The following RPH3AL variants were observed in gnomAD, a reference collection of about 807,000 sequenced individuals.
RPH3AL encodes the protein rabphilin 3A like (without C2 domains).
In RPH3AL, 38 loss-of-function variants were observed where a neutral mutation model predicts 43.1. That is an observed-to-expected ratio of 0.88 (90% CI 0.68 to 1.15). The LOEUF (loss-of-function observed/expected upper bound fraction) is 1.15. Ranked by LOEUF, RPH3AL falls within the 50% of genes most tolerant of loss-of-function variation. The probability of loss-of-function intolerance (pLI) is 0.00; values close to 1 mark genes in which losing one functional copy is unlikely to be tolerated. For synonymous variants in RPH3AL, 189 were observed against 176.3 expected, an observed-to-expected ratio of 1.07 and a Z score of -0.57; for missense variants, 462 against 423.2, an observed-to-expected ratio of 1.09 and a Z score of -0.81.
chr17:302,902 A>C (rs932126390), intron 5 of RPH3AL, among the ~76,000 whole-genome samples: 3 of 152,222 alleles, frequency 2.0e-5, no homozygotes, highest in Non-Finnish European at 4.4e-5. Flanking sequence ...AGGTGGGAGA[A>C]GGACAAACAC....
At chr17:342,141 A>G (rs941800655) in intron 1 of RPH3AL, among the ~76,000 whole-genome samples, 4 of 152,214 alleles carry the variant, frequency 2.6e-5, no homozygotes, top group African/African-American at 7.2e-5. Context: ...AGGAAAATAC[A>G]AATCAAAACC....
chr17:313,484 G>A (rs941806443), intron 5 of RPH3AL, among the ~76,000 whole-genome samples: 2 of 152,206 alleles, frequency 1.3e-5, no homozygotes, highest in African/African-American at 4.8e-5. Context: ...TGTTCCAGGG[G>A]AAACTTGCCG....
At chr17:331,436 C>A in intron 2 of RPH3AL, 2 of 557,010 alleles carry the variant, frequency 3.6e-6, no homozygotes, top group Non-Finnish European at 5.4e-6. Context: ...AAAGGTCGGA[C>A]ATGAGGACCC....
In RPH3AL at chr17:321,001, A is replaced by C. The variant is rs538837312; in HGVS notation, c.221+271T>G. ...AGCCGAACAGCTCCTGGGAGGCTTC[A>C]CCAGGCTCATTCACGCCCTCAGCAT... is the stretch of plus-strand genomic sequence containing the variant. On this transcript the variant is annotated intron_variant, in intron 4 of 9. Transcript: ENST00000331302. Among the ~76,000 whole-genome samples the C allele has an allele frequency of 3.9e-4, 60 of 152,282 alleles. 1 individual carries two copies. Among genetic ancestry groups the C allele is most frequent in the African/African-American group, 1.4e-3 (58 of 41,564 alleles).
At chr17:250,901 G>T (rs188322720) in intron 6 of RPH3AL, among the ~76,000 whole-genome samples, 1 of 149,556 alleles carries the variant, frequency 6.7e-6, no homozygotes. Context: ...GAGCCTAAGC[G>T]CCATCGCTGC....
intron 7 of RPH3AL, among the ~76,000 whole-genome samples, chr17:227,867 A>G (rs1051017881): frequency 4.0e-5 from 6 of 151,850 alleles, no homozygotes; most frequent in Admixed American, 3.3e-4. Flanking sequence ...AAAATTTTGC[A>G]TACTAAAAAC....
chr17:264,092 A>C lies in RPH3AL; in HGVS notation c.439-16807T>G, dbSNP rs189355091. Among the ~76,000 whole-genome samples, 4 of 151,994 alleles carry C rather than the reference A, an allele frequency of 2.6e-5. No individual in the cohort carries two copies. Among genetic ancestry groups the C allele is most frequent in the African/African-American group, 9.7e-5 (4 of 41,370 alleles). ...ATTTTGGCCGCGTGCGACAAGCCGG[A>C]CTCTCCAAGAGCCTTGGACCCACAC... On this transcript the variant is annotated intron_variant, in intron 6 of 9. Transcript: ENST00000331302. This position sits in a 1 kb window ranked among gnomAD's most constrained non-coding sequence, Gnocchi z 4.8.
chr17:220,171 T>C (rs943787648), intron 7 of RPH3AL, among the ~76,000 whole-genome samples: 11 of 150,490 alleles, frequency 7.3e-5, no homozygotes, highest in Non-Finnish European at 1.2e-4. Context: ...ACTGAGACAA[T>C]AGACCCAAGC....
intron 5 of RPH3AL, among the ~76,000 whole-genome samples, chr17:313,739 A>AAG (rs2043717269): frequency 6.6e-6 from 1 of 152,164 alleles, no homozygotes. Flanking sequence ...CGTCGGCAGG[A>AAG]CCCAGAACAG....
At chr17:237,885 T>C (rs2041436999) in intron 7 of RPH3AL, among the ~76,000 whole-genome samples, 1 of 152,200 alleles carries the variant, frequency 6.6e-6, no homozygotes, top group Non-Finnish European at 1.5e-5. Context: ...CGGTGGCTCA[T>C]GCCTGTAGTA....
At chr17:311,119 G>C (rs2043636239) in intron 5 of RPH3AL, among the ~76,000 whole-genome samples, 1 of 152,132 alleles carries the variant, frequency 6.6e-6, no homozygotes, top group Non-Finnish European at 1.5e-5. Context: ...TCCCCTGAAA[G>C]ACTCCACCCT....
chr17:271,195 GA>G (rs1481098525), intron 6 of RPH3AL, among the ~76,000 whole-genome samples: 1 of 152,202 alleles, frequency 6.6e-6, no homozygotes, highest in Non-Finnish European at 1.5e-5. Context: ...AGTATAGTCT[GA>G]AATCAGGTAG....
chr17:293,680 G>A (rs980816433), intron 5 of RPH3AL, among the ~76,000 whole-genome samples: 7 of 152,274 alleles, frequency 4.6e-5, no homozygotes, highest in Admixed American at 2.6e-4. Context: ...CAGGAGCTTC[G>A]GCCAAGGGGT....
intron 6 of RPH3AL, among the ~76,000 whole-genome samples, chr17:259,515 G>T (rs1555545593): frequency 6.6e-6 from 1 of 152,088 alleles, no homozygotes; most frequent in African/African-American, 2.4e-5. Flanking sequence ...CCCCGCCCAG[G>T]AATAGTGGCA....
chr17:216,308 C>CGGGCCTGCA (rs1235544415), intron 8 of RPH3AL, among the ~76,000 whole-genome samples: 5 of 152,306 alleles, frequency 3.3e-5, no homozygotes, highest in African/African-American at 1.2e-4. Context: ...GGTCCAAGAA[C>CGGGCCTGCA]GGGCCTGCAG....
intron 4 of RPH3AL, among the ~76,000 whole-genome samples, chr17:320,398 G>C (rs887137034): frequency 1.6e-4 from 24 of 152,122 alleles, no homozygotes; most frequent in Non-Finnish European, 4.4e-5. Context: ...CCCTTTGTGA[G>C]GCTGAGGCAG....
intron 5 of RPH3AL, among the ~76,000 whole-genome samples, chr17:314,680 G>GCTCCACCTCC (rs71143497): frequency 0.22 from 6,705 of 30,566 alleles, 182 homozygotes; most frequent in Non-Finnish European, 0.25. Context: ...TAGTCTCTGT[G>GCTCCACCTCC]ACTCCACCTC....
rs1555540579 is a variant in RPH3AL at position 247,301 on chromosome 17, G to T, written c.439-16C>A. On this transcript the variant is annotated splice_polypyrimidine_tract_variant and intron_variant, in intron 6 of 9. Transcript: ENST00000331302. Reference sequence around the variant, plus strand: ...TCTTCCAGACCTGAGTGGGGGAAGAGAGCTGCTTGGGGCACAGGACGCAGA... The same window carrying T: ...TCTTCCAGACCTGAGTGGGGGAAGATAGCTGCTTGGGGCACAGGACGCAGA... 6.4e-7 allele frequency: 1 copy of T among 1,552,784 alleles called. No homozygotes were observed. Among genetic ancestry groups the T allele is most frequent in the African/African-American group, 1.4e-5 (1 of 73,234 alleles).
At chr17:275,730 A>G (rs59849037) in intron 6 of RPH3AL, among the ~76,000 whole-genome samples, 35,690 of 152,132 alleles carry the variant, frequency 0.23, 4,973 homozygotes, top group Admixed American at 0.35. Flanking sequence ...GATTTTTTGT[A>G]GAGAGGGTGT....
Sources: gnomAD v4.1 joint callset for allele counts (sites outside exome capture counted in the v4.1 genomes callset) on GRCh38, gnomAD v4.1.1 for gene constraint, Gnocchi (gnomAD v3.1) non-coding constraint, MANE v1.5 for transcripts, NCBI Gene and HGNC (gene_info 2026-07-23, HGNC 2026-07-21) for gene names.